Variants in GTF2E2 observed in about 807,000 individuals in gnomAD.
The protein encoded by GTF2E2 is transcription initiation factor IIE subunit beta.
GTF2E2 carries 21 observed loss-of-function variants against 40.5 expected under a neutral mutation model. The observed-to-expected ratio is 0.52, with a 90% CI of 0.37 to 0.75. The LOEUF is 0.75. Ranked by LOEUF, GTF2E2 falls within the 30% of genes least tolerant of loss-of-function variation. The pLI is 0.00. For synonymous variants in GTF2E2, 117 were observed against 121.6 expected, an observed-to-expected ratio of 0.96 and a Z score of 0.25; for missense variants, 298 against 338.4, an observed-to-expected ratio of 0.88 and a Z score of 0.94.
intron 2 of GTF2E2, among the ~76,000 whole-genome samples, chr8:30,647,858 C>T (rs1236531970): frequency 6.6e-6 from 1 of 152,088 alleles, no homozygotes; most frequent in African/African-American, 2.4e-5. Context: ...ACTTTCTCCC[C>T]CACCCTATCC....
intron 2 of GTF2E2, chr8:30,644,365 CTT>C (rs1444948778): frequency 1.3e-5 from 2 of 152,168 alleles, no homozygotes; most frequent in African/African-American, 2.4e-5. Context: ...ATACGAAACA[CTT>C]AAGACTATCA....
chr8:30,585,637 T>C (rs1240309476), intron 6 of GTF2E2, among the ~76,000 whole-genome samples: 1 of 152,006 alleles, frequency 6.6e-6, no homozygotes, highest in Non-Finnish European at 1.5e-5. Flanking sequence ...GTATTGCTAG[T>C]GTAAAATTTT....
At chr8:30,614,813 T>TG in intron 3 of GTF2E2, 98 bp from the exon 4 acceptor site, 2 of 682,070 alleles carry the variant, frequency 2.9e-6, no homozygotes, top group South Asian at 3.6e-5. Flanking sequence ...ATGAAAAACA[T>TG]GTATTATTCC....
At chr8:30,636,563 T>C (rs768008334) in intron 2 of GTF2E2, among the ~76,000 whole-genome samples, 11 of 152,222 alleles carry the variant, frequency 7.2e-5, no homozygotes, top group Non-Finnish European at 1.2e-4. Context: ...TCTTAATTAA[T>C]TGGCACACTG....
At position 30,608,716 on chromosome 8, in the gene GTF2E2, C is replaced by G. The variant is rs116860948; in HGVS notation, c.550-1566G>C. On this transcript the variant is annotated intron_variant, in intron 5 of 7. Coordinates refer to ENST00000355904, the MANE Select transcript of GTF2E2 (RefSeq NM_002095.6). ...GTGTGATGGCTCACACCTATAATCC[C>G]AGCACTTTGGGAGGCAGGAGGATCA... Among the ~76,000 whole-genome samples the G allele has an allele frequency of 6.6e-5, 10 of 152,268 alleles. No homozygotes were observed. The East Asian group carries it at 1.9e-3, about 29-fold the overall frequency.
At chr8:30,600,878 G>A (rs1410662162) in intron 6 of GTF2E2, among the ~76,000 whole-genome samples, 1 of 152,176 alleles carries the variant, frequency 6.6e-6, no homozygotes, top group East Asian at 1.9e-4. Flanking sequence ...CTGTGTGCCT[G>A]AAGTGTGCGC....
At chr8:30,650,915 G>A (rs1261558428) in intron 2 of GTF2E2, among the ~76,000 whole-genome samples, 1 of 151,586 alleles carries the variant, frequency 6.6e-6, no homozygotes, top group Non-Finnish European at 1.5e-5. Flanking sequence ...TAGGGAGGCT[G>A]AGGCAGGAGA....
chr8:30,656,725 T>C (rs1802458220), intron 1 of GTF2E2: 1 of 147,328 alleles, frequency 6.8e-6, no homozygotes, highest in Non-Finnish European at 1.5e-5. Flanking sequence ...GGAGAATCGC[T>C]TGAACCAGGG....
In GTF2E2 at chr8:30,607,161, G is replaced by C; in HGVS notation, c.550-11C>G. On this transcript the variant is annotated splice_polypyrimidine_tract_variant and intron_variant, in intron 5 of 7. Coordinates refer to ENST00000355904, the MANE Select transcript of GTF2E2 (RefSeq NM_002095.6). ...CTGGTCCCCCAAAGCCTTAAAGATAGATAAAATAAAGATTTTTCAGTTAAC... is the reference window on the plus strand; with the variant it reads ...CTGGTCCCCCAAAGCCTTAAAGATACATAAAATAAAGATTTTTCAGTTAAC... 1 of 1,037,572 alleles carries C rather than the reference G, an allele frequency of 9.6e-7. No individual in the cohort carries two copies. The highest frequency in any genetic ancestry group is 1.4e-6 in the Non-Finnish European group (1 of 714,046). 64.3% of individuals were successfully genotyped at this position (1,037,572 alleles called of 1,614,324 possible). A position where few individuals can be genotyped will look rare whatever the true frequency, so the allele number is the denominator to read the frequency against.
chr8:30,630,284 G>A (rs1394176555), intron 3 of GTF2E2, among the ~76,000 whole-genome samples: 1 of 152,144 alleles, frequency 6.6e-6, no homozygotes, highest in Non-Finnish European at 1.5e-5. Flanking sequence ...CATGTTCTCA[G>A]TATTATGACT....
At chr8:30,588,866 C>T (rs565407764) in intron 6 of GTF2E2, among the ~76,000 whole-genome samples, 4 of 152,296 alleles carry the variant, frequency 2.6e-5, no homozygotes, top group Admixed American at 1.3e-4. Flanking sequence ...TAAGATAATA[C>T]GTTTGTGTTG....
At chr8:30,608,362 A>G (rs976884660) in intron 5 of GTF2E2, among the ~76,000 whole-genome samples, 15 of 152,346 alleles carry the variant, frequency 9.8e-5, no homozygotes, top group African/African-American at 3.1e-4. Flanking sequence ...TGTGAAAAGA[A>G]TCTTTATCAT....
chr8:30,636,239 A>G (rs1419235566), intron 2 of GTF2E2, among the ~76,000 whole-genome samples: 2 of 152,234 alleles, frequency 1.3e-5, no homozygotes, highest in Non-Finnish European at 2.9e-5. Flanking sequence ...TTTTAGAAGT[A>G]CACATTCTAT....
chr8:30,605,017 A>G (rs796661257), intron 6 of GTF2E2, among the ~76,000 whole-genome samples: 1 of 152,362 alleles, frequency 6.6e-6, no homozygotes, highest in African/African-American at 2.4e-5. Context: ...TGGGCTTCCC[A>G]CTGCTAAACA....
At chr8:30,579,937 G>C (rs1236269972) in intron 7 of GTF2E2, among the ~76,000 whole-genome samples, 1 of 152,216 alleles carries the variant, frequency 6.6e-6, no homozygotes, top group African/African-American at 2.4e-5. Context: ...AAGTCTGAAA[G>C]GTTGTGCAGA....
At chr8:30,632,768 T>C (rs1801479284) in intron 3 of GTF2E2, among the ~76,000 whole-genome samples, 1 of 152,192 alleles carries the variant, frequency 6.6e-6, no homozygotes, top group Non-Finnish European at 1.5e-5. Flanking sequence ...TTCCATTCTT[T>C]TGCTTTCAAT....
At position 30,579,018 on chromosome 8, in the gene GTF2E2, T is replaced by C. The variant is rs1158011803; in HGVS notation, c.779A>G (p.Lys260Arg). ...PKKVAPIQRRKKPASQKKRRF... is the reference protein window; with the variant it reads ...PKKVAPIQRRRKPASQKKRRF... ...TCGCTTTTTCTGTGAAGCAGGCTTTTTCCTTCTCTGAATAGGGGCCTAAAG... is the reference window on the plus strand; with the variant it reads ...TCGCTTTTTCTGTGAAGCAGGCTTTCTCCTTCTCTGAATAGGGGCCTAAAG... Residue 260 changes from lysine to arginine, a missense_variant, in exon 8 of 8, where the codon AAA (lysine) becomes AGA (arginine). By Grantham distance (26) the Lys-to-Arg change is conservative. Transcript: ENST00000355904. 1 of 1,597,840 alleles carries C rather than the reference T, an allele frequency of 6.3e-7. No individual in the cohort carries two copies. Among genetic ancestry groups the C allele is most frequent in the African/African-American group, 1.3e-5 (1 of 74,644 alleles).
chr8:30,620,398 T>C (rs1194277753), intron 3 of GTF2E2, among the ~76,000 whole-genome samples: 14 of 152,194 alleles, frequency 9.2e-5, no homozygotes, highest in African/African-American at 3.1e-4. Context: ...TTCATCACTT[T>C]GTAAGAAAAG....
chr8:30,604,372 T>C (rs192672259), intron 6 of GTF2E2, among the ~76,000 whole-genome samples: 57 of 152,310 alleles, frequency 3.7e-4, no homozygotes, highest in African/African-American at 1.2e-3. Flanking sequence ...TCTGAAAAGA[T>C]GCAAAAATAT....
Sources: gnomAD v4.1 joint callset for allele counts (sites outside exome capture counted in the v4.1 genomes callset) on GRCh38, gnomAD v4.1.1 for gene constraint, MANE v1.5 for transcripts, NCBI Gene and HGNC (gene_info 2026-07-23, HGNC 2026-07-21) for gene names.